The following NPEPPS variants were observed in gnomAD, a reference collection of about 807,000 sequenced individuals.
NPEPPS encodes aminopeptidase puromycin sensitive.
In NPEPPS, 14 loss-of-function variants were observed where a neutral mutation model predicts 115.5. The ratio of observed to expected loss-of-function variants is 0.12; its 90% CI spans 0.08 to 0.19. NPEPPS has a LOEUF of 0.19. Ranked by LOEUF, NPEPPS falls within the 10% of genes least tolerant of loss-of-function variation. NPEPPS has a pLI of 1.00. For missense variants in NPEPPS, 523 were observed against 1,110.8 expected (o/e 0.47, Z 7.52); for synonymous variants, 285 against 390.6 (o/e 0.73, Z 3.19).
At chr17:47,590,231 A>T (rs530659858) in intron 9 of NPEPPS, among the ~76,000 whole-genome samples, 1 of 152,156 alleles carries the variant, frequency 6.6e-6, no homozygotes, top group Non-Finnish European at 1.5e-5. Flanking sequence ...ATGTTTTGAA[A>T]ATATCCTTTA....
At chr17:47,605,140 G>T (rs996288624) in intron 16 of NPEPPS, among the ~76,000 whole-genome samples, 193 bp from the exon 17 acceptor site, 1 of 149,102 alleles carries the variant, frequency 6.7e-6, no homozygotes, top group Non-Finnish European at 1.5e-5. Context: ...AAAAGAAAAA[G>T]AAAAAAATAA....
intron 2 of NPEPPS, among the ~76,000 whole-genome samples, chr17:47,550,790 C>A (rs1164685341): frequency 6.6e-6 from 1 of 151,822 alleles, no homozygotes; most frequent in Non-Finnish European, 1.5e-5. Flanking sequence ...CCACACCCAG[C>A]TAATTTTTGT....
intron 17 of NPEPPS, among the ~76,000 whole-genome samples, chr17:47,609,990 T>A (rs1385228900): frequency 6.6e-6 from 1 of 152,196 alleles, no homozygotes; most frequent in African/African-American, 2.4e-5. Flanking sequence ...ATTAACTGTT[T>A]TTTTAATCAA....
intron 2 of NPEPPS, among the ~76,000 whole-genome samples, chr17:47,549,032 A>G (rs1231971433): frequency 6.6e-6 from 1 of 152,128 alleles, no homozygotes; most frequent in East Asian, 1.9e-4. Flanking sequence ...ATAAAACGTT[A>G]AATTATTTTA....
Position 47,613,653 on chromosome 17 carries a change from T to G in NPEPPS, c.2239-16T>G. ...AGGTACATTTAATCAAATGACTTAT[T>G]TTTTGTCCCTTGTAGGTCTATCTGA... On this transcript the variant is annotated splice_polypyrimidine_tract_variant and intron_variant, in intron 18 of 22. Transcript: ENST00000322157. The G allele has an allele frequency of 6.3e-7, 1 of 1,597,438 alleles. No individual in the cohort carries two copies. Among genetic ancestry groups the G allele is most frequent in the Non-Finnish European group, 8.6e-7 (1 of 1,166,622 alleles).
intron 2 of NPEPPS, among the ~76,000 whole-genome samples, chr17:47,548,928 C>G (rs1204177410): frequency 6.6e-6 from 1 of 152,110 alleles, no homozygotes; most frequent in Non-Finnish European, 1.5e-5. Context: ...TCATAATGAT[C>G]TGTATCTCAC....
intron 1 of NPEPPS, among the ~76,000 whole-genome samples, chr17:47,534,193 G>A (rs543706482): frequency 1.3e-5 from 2 of 151,846 alleles, no homozygotes; most frequent in Admixed American, 6.6e-5. Flanking sequence ...CCGGGTTCAC[G>A]CCATTCTCCT....
At chr17:47,615,067 TTC>T (rs1914108363) in intron 19 of NPEPPS, among the ~76,000 whole-genome samples, 2 of 129,418 alleles carry the variant, frequency 1.5e-5, no homozygotes, top group Non-Finnish European at 3.2e-5. Flanking sequence ...TAGGTTTACT[TTC>T]TTTCTTTTTT....
rs1226382877 is a variant in NPEPPS, at chr17:47,590,815, G to A, written c.1194G>A (p.Gln398=). Residue 398 remains glutamine (Q), a synonymous_variant, in exon 10 of 23, where the codon CAG becomes CAA. Transcript: ENST00000322157. ...TCCCAGAGTATGATATTTGGACTCA[G>A]TTTGTTTCTGCTGATTACACCCGTG... ...HCFPEYDIWT[Q]FVSADYTRAQ... The A allele has an allele frequency of 6.2e-7, 1 of 1,609,944 alleles. No homozygotes were observed. The highest frequency in any genetic ancestry group is 1.1e-5 in the South Asian group (1 of 90,936).
intron 17 of NPEPPS, among the ~76,000 whole-genome samples, chr17:47,610,127 A>G (rs1913752083): frequency 6.6e-6 from 1 of 151,310 alleles, no homozygotes; most frequent in South Asian, 2.1e-4. Flanking sequence ...TCACCTCTAT[A>G]TTTCCAGAAG....
intron 2 of NPEPPS, among the ~76,000 whole-genome samples, chr17:47,555,981 C>CTTT (rs886460288): frequency 3.2e-5 from 2 of 63,050 alleles, no homozygotes; most frequent in African/African-American, 5.6e-5. Context: ...TTCTGTTTTA[C>CTTT]TTTTTTTTTT....
At chr17:47,555,887 A>G (rs1402640541) in intron 2 of NPEPPS, among the ~76,000 whole-genome samples, 1 of 150,964 alleles carries the variant, frequency 6.6e-6, no homozygotes, top group Non-Finnish European at 1.5e-5. Flanking sequence ...TGCCACAGTT[A>G]GGGAAGCTCT....
At chr17:47,586,716 A>G in intron 8 of NPEPPS, 1 of 498,190 alleles carries the variant, frequency 2.0e-6, no homozygotes, top group South Asian at 1.5e-5. Context: ...CATATCTTCT[A>G]GCCAAGTTTT....
At chr17:47,539,050 C>T (rs2644350) in intron 1 of NPEPPS, among the ~76,000 whole-genome samples, 3 of 149,782 alleles carry the variant, frequency 2.0e-5, no homozygotes, top group African/African-American at 7.3e-5. Flanking sequence ...AAAGGGTATG[C>T]GTTTTATTGT....
intron 1 of NPEPPS, among the ~76,000 whole-genome samples, chr17:47,540,651 T>C (rs1597815136): frequency 6.6e-6 from 1 of 152,348 alleles, no homozygotes; most frequent in South Asian, 2.1e-4. Context: ...CTTCATATCA[T>C]TCTGATCAGA....
chr17:47,603,779 C>A (rs1346700740), intron 15 of NPEPPS, 136 bp from the exon 16 acceptor site: 3 of 676,966 alleles, frequency 4.4e-6, no homozygotes, highest in Non-Finnish European at 7.2e-6. Flanking sequence ...TTGTTTTAAT[C>A]CATTAGTTGG....
chr17:47,531,861 G>A (rs1398583163), intron 1 of NPEPPS, among the ~76,000 whole-genome samples: 2 of 152,282 alleles, frequency 1.3e-5, no homozygotes, highest in African/African-American at 2.4e-5. Context: ...CACCTGTGTG[G>A]GGCTTTCCCC....
intron 2 of NPEPPS, among the ~76,000 whole-genome samples, chr17:47,549,655 C>T (rs1429863864): frequency 1.3e-5 from 2 of 151,286 alleles, no homozygotes; most frequent in East Asian, 4.0e-4. Flanking sequence ...TGGCAGGCAC[C>T]TGTAATTCCA....
chr17:47,543,225 C>T (rs962585822), intron 1 of NPEPPS, among the ~76,000 whole-genome samples: 4 of 150,936 alleles, frequency 2.7e-5, no homozygotes, highest in Non-Finnish European at 4.4e-5. Flanking sequence ...GGCGCGCACA[C>T]ACACACACAC....
Sources: gnomAD v4.1 joint callset for allele counts (sites outside exome capture counted in the v4.1 genomes callset) on GRCh38, gnomAD v4.1.1 for gene constraint, MANE v1.5 for transcripts, NCBI Gene and HGNC (gene_info 2026-07-23, HGNC 2026-07-21) for gene names.